The following KYNU variants were observed in gnomAD, a reference collection of about 807,000 sequenced individuals.
KYNU encodes L-kynurenine hydrolase.
A neutral mutation model predicts 59.2 loss-of-function variants in KYNU; 54 were observed. The observed-to-expected ratio is 0.91, with a 90% CI of 0.73 to 1.14. KYNU has a LOEUF of 1.14. Ranked by LOEUF, KYNU falls within the 50% of genes most tolerant of loss-of-function variation. The pLI is 0.00. For synonymous variants in KYNU, 177 were observed against 192.0 expected (o/e 0.92, Z 0.65); for missense variants, 567 against 554.4 (o/e 1.02, Z -0.23).
Position 143,055,267 on chromosome 2 carries a change from G to C in KYNU, c.*13095G>C, listed in dbSNP as rs1207804539. On this transcript the variant is annotated 3_prime_UTR_variant, in exon 14 of 14. Coordinates refer to ENST00000264170, the MANE Select transcript of KYNU (RefSeq NM_003937.3). The stretch of plus-strand genomic sequence containing the variant: ...AAAAGCAAGGCCTTGGCAGGGTGAC[G>C]TTTCTTTCTGGAGGTTCCAGGGGGA... 1 of 152,148 alleles carries C rather than the reference G, an allele frequency of 6.6e-6. No individual in the cohort carries two copies. The highest frequency in any genetic ancestry group is 1.5e-5 in the Non-Finnish European group (1 of 68,024). The allele number at this position is 152,148 out of a possible 1,614,324, so 9.4% of individuals were successfully genotyped here.
intron 12 of KYNU, among the ~76,000 whole-genome samples, 194 bp downstream of exon 12, chr2:143,033,515 C>A (rs1309087946): frequency 6.6e-6 from 1 of 152,178 alleles, no homozygotes; most frequent in Non-Finnish European, 1.5e-5. Flanking sequence ...ATGTCACCAG[C>A]CCCCAGCACA....
chr2:142,971,297 A>G (rs1487667496), intron 8 of KYNU: 1 of 140,780 alleles, frequency 7.1e-6, no homozygotes, highest in African/African-American at 2.7e-5. Flanking sequence ...CTATATGAAT[A>G]CCACAACATT....
intron 2 of KYNU, among the ~76,000 whole-genome samples, chr2:142,909,947 A>C (rs913836360): frequency 6.6e-6 from 1 of 152,068 alleles, no homozygotes. Flanking sequence ...ATTTCTTTGC[A>C]ACCTTGTCAC....
At chr2:142,915,564 G>A (rs897503681) in intron 2 of KYNU, among the ~76,000 whole-genome samples, 1 of 152,142 alleles carries the variant, frequency 6.6e-6, no homozygotes, top group African/African-American at 2.4e-5. Flanking sequence ...AAGCTCATAA[G>A]GTCCACAGTG....
chr2:142,909,147 C>T (rs1271466758), intron 2 of KYNU, among the ~76,000 whole-genome samples: 1 of 135,088 alleles, frequency 7.4e-6, no homozygotes, highest in Non-Finnish European at 1.5e-5. Context: ...TAGGATGTTC[C>T]AAACATATAT....
At chr2:142,947,115 T>C in intron 4 of KYNU, 1 of 1,551,136 alleles carries the variant, frequency 6.4e-7, no homozygotes, top group Non-Finnish European at 8.7e-7. Context: ...TCAGCCACCC[T>C]TACAGACCCC....
chr2:142,947,107 A>G, intron 4 of KYNU: 2 of 1,551,036 alleles, frequency 1.3e-6, no homozygotes, highest in Non-Finnish European at 1.7e-6. Context: ...TGCTTTTTTC[A>G]GCCACCCTTA....
intron 10 of KYNU, 112 bp from the exon 11 acceptor site, chr2:143,029,515 G>T (rs1166908356): frequency 1.5e-5 from 11 of 723,262 alleles, no homozygotes; most frequent in Non-Finnish European, 2.5e-6. Context: ...GAACCCAAGA[G>T]GCAGAGGTGG....
intron 2 of KYNU, among the ~76,000 whole-genome samples, chr2:142,888,797 C>T (rs754140738): frequency 2.7e-5 from 4 of 150,474 alleles, no homozygotes; most frequent in African/African-American, 4.9e-5. Flanking sequence ...TTACCCTACT[C>T]GAGACACTTC....
chr2:142,988,955 G>A, intron 10 of KYNU: 1 of 1,390,412 alleles, frequency 7.2e-7, no homozygotes. Context: ...GAAATGTTTT[G>A]CTGAAACTTA....
Position 142,956,803 on chromosome 2 carries a change from T to C in KYNU, c.507+529T>C, listed in dbSNP as rs144106284. On this transcript the variant is annotated intron_variant, in intron 6 of 13. Coordinates refer to ENST00000264170, the MANE Select transcript of KYNU (RefSeq NM_003937.3). Reference sequence around the variant, plus strand: ...TTACTTGATGATGAGTTGTTTATTCTTACTTGATAAGAAATGTAATGGTTT... The same window carrying C: ...TTACTTGATGATGAGTTGTTTATTCCTACTTGATAAGAAATGTAATGGTTT... Among the ~76,000 whole-genome samples the C allele has an allele frequency of 7.8e-3, 1,188 of 152,210 alleles. 10 individuals are homozygous for C. Among genetic ancestry groups the C allele is most frequent in the Middle Eastern group, 0.02 (6 of 294 alleles).
intron 2 of KYNU, among the ~76,000 whole-genome samples, chr2:142,897,202 A>C (rs1323949809): frequency 6.6e-6 from 1 of 152,224 alleles, no homozygotes; most frequent in African/African-American, 2.4e-5. Context: ...AATAATATTT[A>C]TTCTGCAGCT....
intron 8 of KYNU, among the ~76,000 whole-genome samples, chr2:142,969,405 T>C (rs1573853642): frequency 6.6e-6 from 1 of 152,186 alleles, no homozygotes; most frequent in South Asian, 2.1e-4. Flanking sequence ...CTCTTCACTT[T>C]GGAAATAGTG....
intron 8 of KYNU, among the ~76,000 whole-genome samples, chr2:142,981,076 A>T (rs2105148484): frequency 6.6e-6 from 1 of 152,264 alleles, no homozygotes; most frequent in East Asian, 1.9e-4. Flanking sequence ...AATAATTTAT[A>T]TTGTCTACCA....
chr2:143,032,432 T>C (rs922085988), intron 11 of KYNU, among the ~76,000 whole-genome samples: 4 of 152,064 alleles, frequency 2.6e-5, no homozygotes, highest in Non-Finnish European at 5.9e-5. Flanking sequence ...CCTCGACATA[T>C]GGGGATTACA....
intron 1 of KYNU, among the ~76,000 whole-genome samples, chr2:142,884,688 C>CTTTTTTTTTTTTTTTTTTTTTTTTTTTTT (rs70997529): frequency 2.6e-5 from 2 of 77,022 alleles, no homozygotes; most frequent in Non-Finnish European, 4.8e-5. Context: ...TTCTCTTTTC[C>CTTTTTTTTTTTTTTTTTTTTTTTTTTTTT]TTTTTTTTTT....
In KYNU at chr2:143,003,221, ATTAAC is replaced by A. The variant is rs368689901; in HGVS notation, c.902+17205_902+17209del. Among the ~76,000 whole-genome samples the A allele has an allele frequency of 7.0e-3, 1,070 of 152,294 alleles. 10 individuals are homozygous for A. Among genetic ancestry groups the A allele is most frequent in the African/African-American group, 0.024 (1,013 of 41,562 alleles). Reference sequence around the variant, plus strand: ...TAATATAGCTCAGTTATCTGTTCAAATTAACTTAAGATAGCTGTCCAATCCTGATT... The same window carrying A: ...TAATATAGCTCAGTTATCTGTTCAAATTAAGATAGCTGTCCAATCCTGATT... On this transcript the variant is annotated intron_variant, in intron 10 of 13. Coordinates refer to ENST00000264170, the MANE Select transcript of KYNU (RefSeq NM_003937.3).
chr2:143,032,733 G>GTGTGTGTGTGTGTGTC (rs1426569918), intron 11 of KYNU, among the ~76,000 whole-genome samples: 3 of 151,324 alleles, frequency 2.0e-5, no homozygotes, highest in Non-Finnish European at 3.0e-5. Flanking sequence ...GTGTGTGTGT[G>GTGTGTGTGTGTGTGTC]TGTGTGTGTC....
At chr2:142,956,923 A>T (rs555426919) in intron 6 of KYNU, among the ~76,000 whole-genome samples, 184 of 152,290 alleles carry the variant, frequency 1.2e-3, no homozygotes, top group Non-Finnish European at 1.9e-3. Flanking sequence ...CAGGAGGAAC[A>T]CTTGAGCCCA....
Sources: allele counts gnomAD v4.1 joint callset (sites outside exome capture counted in the v4.1 genomes callset), GRCh38; gene constraint gnomAD v4.1.1; transcripts MANE v1.5; gene names NCBI Gene and HGNC (gene_info 2026-07-23, HGNC 2026-07-21).